Variants in ZC3H12B observed in about 807,000 individuals in gnomAD.
ZC3H12B encodes zinc finger CCCH-type containing 12B, also known as probable ribonuclease ZC3H12B.
ZC3H12B carries 7 observed loss-of-function variants against 43.9 expected under a neutral mutation model. The ratio of observed to expected loss-of-function variants is 0.16; its 90% CI spans 0.09 to 0.30. ZC3H12B has a LOEUF of 0.30. Ranked by LOEUF, ZC3H12B falls within the 10% of genes least tolerant of loss-of-function variation. The pLI is 1.00. For synonymous variants in ZC3H12B, 222 were observed against 241.7 expected, an observed-to-expected ratio of 0.92 and a Z score of 0.76; for missense variants, 475 against 670.2, an observed-to-expected ratio of 0.71 and a Z score of 3.22.
chrX:65,427,863 T>A (rs1481871767), intron 3 of ZC3H12B, among the ~76,000 whole-genome samples: 1 of 112,172 alleles, frequency 8.9e-6, no homozygotes, highest in East Asian at 2.8e-4. Context: ...ATAGTGTCAC[T>A]GGTTTTTGTA....
the ZC3H12B span, among the ~76,000 whole-genome samples, chrX:65,118,733 G>C: frequency 3.0e-3 from 326 of 108,997 alleles, 2 homozygotes; most frequent in Admixed American, 7.7e-3. Context: ...CATTTGCCAT[G>C]TTGGTGTGCT....
At chrX:65,280,649 C>A in the ZC3H12B span, among the ~76,000 whole-genome samples, 1 of 111,928 alleles carries the variant, frequency 8.9e-6, no homozygotes, top group Admixed American at 9.5e-5. Flanking sequence ...AGACTGACTA[C>A]CAGAAAATTG....
At chrX:65,431,219 G>T (rs1326043802) in intron 3 of ZC3H12B, among the ~76,000 whole-genome samples, 1 of 112,694 alleles carries the variant, frequency 8.9e-6, no homozygotes, top group African/African-American at 3.2e-5. Context: ...ATGGATGGTA[G>T]TTCTGGCAGA....
intron 3 of ZC3H12B, among the ~76,000 whole-genome samples, chrX:65,411,601 C>T (rs1390070604): frequency 4.5e-5 from 5 of 110,156 alleles, no homozygotes; most frequent in Non-Finnish European, 9.5e-5. Flanking sequence ...TGGCACACAC[C>T]TGTAATCCCA....
chrX:65,216,177 G>T, the ZC3H12B span, among the ~76,000 whole-genome samples: 1 of 111,576 alleles, frequency 9.0e-6, no homozygotes. Flanking sequence ...CCAGACAAGT[G>T]GTCACAGTAT....
chrX:65,466,915 AATATAT>A (rs58150008), intron 3 of ZC3H12B, among the ~76,000 whole-genome samples: 228 of 23,811 alleles, frequency 9.6e-3, no homozygotes, highest in Non-Finnish European at 0.012. Flanking sequence ...TATAAAACCA[AATATAT>A]ATATATATAT....
chrX:65,143,413 AT>A, the ZC3H12B span, among the ~76,000 whole-genome samples: 1 of 110,490 alleles, frequency 9.1e-6, no homozygotes, highest in Non-Finnish European at 1.9e-5. Context: ...GGGATGCTGG[AT>A]TTTGTCAAAC....
At chrX:65,263,567 G>A in the ZC3H12B span, among the ~76,000 whole-genome samples, 1 of 110,974 alleles carries the variant, frequency 9.0e-6, no homozygotes, top group Non-Finnish European at 1.9e-5. Context: ...TGTAATGAGG[G>A]AACTAGAAGG....
chrX:65,292,403 C>T, the ZC3H12B span, among the ~76,000 whole-genome samples: 1 of 111,312 alleles, frequency 9.0e-6, no homozygotes, highest in Non-Finnish European at 1.9e-5. Context: ...GGCATGTTCT[C>T]ACTATAAGTG....
chrX:65,392,320 G>C (rs1412340832), intron 2 of ZC3H12B, among the ~76,000 whole-genome samples: 4 of 111,165 alleles, frequency 3.6e-5, no homozygotes, highest in African/African-American at 6.5e-5. Flanking sequence ...GTGAAGTGAG[G>C]AGCATCTCTG....
chrX:65,278,750 G>T, the ZC3H12B span, among the ~76,000 whole-genome samples: 1 of 110,339 alleles, frequency 9.1e-6, no homozygotes, highest in Non-Finnish European at 1.9e-5. Flanking sequence ...TATCATCCAG[G>T]TATTAAGCCC....
intron 3 of ZC3H12B, among the ~76,000 whole-genome samples, chrX:65,452,116 T>G (rs938076554): frequency 3.6e-5 from 4 of 111,393 alleles, no homozygotes; most frequent in African/African-American, 1.3e-4. Flanking sequence ...CCCTGAGAAC[T>G]GGAACATGAC....
At chrX:65,340,333 G>C in the ZC3H12B span, among the ~76,000 whole-genome samples, 3 of 111,906 alleles carry the variant, frequency 2.7e-5, no homozygotes, top group Non-Finnish European at 5.6e-5. Context: ...GCACCTGATG[G>C]CACCCTGCCA....
the ZC3H12B span, among the ~76,000 whole-genome samples, chrX:65,277,297 T>G: frequency 1.8e-5 from 2 of 111,386 alleles, no homozygotes; most frequent in African/African-American, 6.5e-5. Context: ...ATGTCAGCAT[T>G]GGACAGACCA....
the ZC3H12B span, among the ~76,000 whole-genome samples, chrX:65,346,300 T>A: frequency 1.9e-5 from 2 of 106,837 alleles, no homozygotes; most frequent in Non-Finnish European, 3.9e-5. Flanking sequence ...TGGAACAGAA[T>A]ACATAAACCA....
the ZC3H12B span, among the ~76,000 whole-genome samples, chrX:65,303,121 A>C: frequency 8.9e-6 from 1 of 112,054 alleles, no homozygotes; most frequent in African/African-American, 3.2e-5. Flanking sequence ...TACCAAAGAC[A>C]CAGTGTATGA....
At chrX:65,146,905 T>G in the ZC3H12B span, among the ~76,000 whole-genome samples, 1 of 111,695 alleles carries the variant, frequency 9.0e-6, no homozygotes, top group African/African-American at 3.3e-5. Flanking sequence ...AGCAGGGGTC[T>G]GTGGGTCCTC....
the ZC3H12B span, among the ~76,000 whole-genome samples, chrX:65,215,594 C>T: frequency 4.5e-5 from 5 of 111,263 alleles, no homozygotes. Flanking sequence ...CTCGTTTGAT[C>T]TTCAATCCAG....
intron 3 of ZC3H12B, among the ~76,000 whole-genome samples, chrX:65,404,834 CT>C (rs1210384728): frequency 8.9e-6 from 1 of 112,035 alleles, no homozygotes; most frequent in Non-Finnish European, 1.9e-5. Flanking sequence ...CAGACTTGAT[CT>C]GCAGTATAGA....
Sources: allele counts gnomAD v4.1 joint callset (sites outside exome capture counted in the v4.1 genomes callset), GRCh38; gene constraint gnomAD v4.1.1; transcripts MANE v1.5; gene names NCBI Gene and HGNC (gene_info 2026-07-23, HGNC 2026-07-21).